The following PDE11A variants were observed in gnomAD, a reference collection of about 807,000 sequenced individuals.
The protein encoded by PDE11A is dual 3',5'-cyclic-AMP and -GMP phosphodiesterase 11A.
In PDE11A, 100 loss-of-function variants were observed where a neutral mutation model predicts 100.5. The observed-to-expected ratio is 1.00, with a 90% CI of 0.85 to 1.18. The LOEUF (loss-of-function observed/expected upper bound fraction) is 1.18. Ranked by LOEUF, PDE11A falls within the 50% of genes most tolerant of loss-of-function variation. The pLI is 0.00. For synonymous variants in PDE11A, 381 were observed against 420.8 expected (o/e 0.91, Z 1.16); for missense variants, 1,141 against 1,152.6 (o/e 0.99, Z 0.15).
At chr2:177,995,651 C>CCG (rs974145161) in intron 2 of PDE11A, among the ~76,000 whole-genome samples, 14 of 151,418 alleles carry the variant, frequency 9.2e-5, no homozygotes, top group Middle Eastern at 6.9e-3. Flanking sequence ...ACACCACCCA[C>CCG]CCCGCATCTG....
At chr2:177,957,770 C>G (rs368595838) in intron 2 of PDE11A, among the ~76,000 whole-genome samples, 1 of 152,012 alleles carries the variant, frequency 6.6e-6, no homozygotes, top group African/African-American at 2.4e-5. Flanking sequence ...GAATAATAAA[C>G]AAGAGCAATA....
intron 9 of PDE11A, among the ~76,000 whole-genome samples, chr2:177,799,178 A>G (rs2082748923): frequency 6.6e-6 from 1 of 152,208 alleles, no homozygotes; most frequent in African/African-American, 2.4e-5. Flanking sequence ...ACAAAATTGA[A>G]AAGTATGAAA....
chr2:178,071,397 G>T (rs1385538293), intron 1 of PDE11A, 129 bp downstream of exon 1: 1 of 1,155,320 alleles, frequency 8.7e-7, no homozygotes, highest in East Asian at 2.4e-5. Context: ...CTAAACTCGG[G>T]AATTTAAATA....
chr2:177,937,135 C>A (rs1244765941), intron 2 of PDE11A, among the ~76,000 whole-genome samples: 1 of 151,966 alleles, frequency 6.6e-6, no homozygotes, highest in African/African-American at 2.4e-5. Context: ...TTAGAGTGAT[C>A]ATACATCACA....
At chr2:178,093,944 A>G (rs2087456220) in intron 2 of PDE11A, among the ~76,000 whole-genome samples, 1 of 150,558 alleles carries the variant, frequency 6.6e-6, no homozygotes, top group Admixed American at 6.6e-5. Flanking sequence ...TAAAGAGCCA[A>G]ATAACAGCCC....
chr2:177,928,745 C>T (rs1370812330), intron 2 of PDE11A, among the ~76,000 whole-genome samples: 1 of 151,924 alleles, frequency 6.6e-6, no homozygotes, highest in Non-Finnish European at 1.5e-5. Flanking sequence ...TGCCTGTGGT[C>T]CCAGCTACTT....
chr2:177,827,896 C>G (rs2105598802), intron 6 of PDE11A, among the ~76,000 whole-genome samples: 1 of 152,280 alleles, frequency 6.6e-6, no homozygotes, highest in South Asian at 2.1e-4. Context: ...GACAATGCTC[C>G]TAGTTGGAAT....
Position 178,037,669 on chromosome 2 carries a change from C to T in PDE11A, c.913-23209G>A, listed in dbSNP as rs1022297807. Among the ~76,000 whole-genome samples, 70 of 152,204 alleles carry T rather than the reference C, an allele frequency of 4.6e-4. 1 individual carries two copies. Among genetic ancestry groups the T allele is most frequent in the Admixed American group, 4.3e-3 (66 of 15,284 alleles). The stretch of plus-strand genomic sequence containing the variant: ...GGATAAAGAAAATGTGGCACATATA[C>T]ACCACGGAATACTATGCAGCCATAA... On this transcript the variant is annotated intron_variant, in intron 1 of 19. Coordinates refer to ENST00000286063, the MANE Select transcript of PDE11A (RefSeq NM_016953.4).
At chr2:177,848,491 G>C (rs1035809938) in intron 5 of PDE11A, among the ~76,000 whole-genome samples, 3 of 151,972 alleles carry the variant, frequency 2.0e-5, no homozygotes, top group African/African-American at 7.3e-5. Flanking sequence ...TAGAAAAAGG[G>C]GTATAAGAAA....
intron 9 of PDE11A, among the ~76,000 whole-genome samples, chr2:177,815,879 G>C (rs952250304): frequency 8.5e-5 from 13 of 152,098 alleles, no homozygotes; most frequent in Non-Finnish European, 1.5e-4. Context: ...TGCCTACTTA[G>C]TAAGTATTTC....
intron 10 of PDE11A, among the ~76,000 whole-genome samples, chr2:177,750,734 G>A (rs1291941709): frequency 6.6e-6 from 1 of 152,200 alleles, no homozygotes; most frequent in Non-Finnish European, 1.5e-5. Context: ...AAATTGTACA[G>A]TAAAGGCACC....
intron 8 of PDE11A, among the ~76,000 whole-genome samples, chr2:177,817,475 G>T (rs1340151374): frequency 6.6e-6 from 1 of 152,188 alleles, no homozygotes; most frequent in Non-Finnish European, 1.5e-5. Context: ...TCCAGCTAGA[G>T]CGCCTGGAGT....
At chr2:177,699,732 C>A (rs990031449) in intron 14 of PDE11A, among the ~76,000 whole-genome samples, 2 of 152,192 alleles carry the variant, frequency 1.3e-5, no homozygotes, top group East Asian at 1.9e-4. Flanking sequence ...AATAATAGCA[C>A]CTGCATTTCT....
chr2:177,998,094 G>A (rs2086099773), intron 2 of PDE11A: 1 of 1,298,748 alleles, frequency 7.7e-7, no homozygotes, highest in Non-Finnish European at 1.1e-6. Context: ...AGGGATTGAA[G>A]GTCTGTTCTA....
chr2:177,726,475 G>A (rs2081600847), intron 12 of PDE11A, among the ~76,000 whole-genome samples: 1 of 152,054 alleles, frequency 6.6e-6, no homozygotes, highest in Non-Finnish European at 1.5e-5. Flanking sequence ...TACTCTATAG[G>A]AGGATGACAG....
chr2:177,748,799 C>G (rs2105474358), intron 10 of PDE11A, among the ~76,000 whole-genome samples: 1 of 152,098 alleles, frequency 6.6e-6, no homozygotes, highest in East Asian at 1.9e-4. Flanking sequence ...AAAATCAAAT[C>G]TTTTTCTGAA....
chr2:177,977,818 A>G (rs2085829697), intron 2 of PDE11A, among the ~76,000 whole-genome samples: 3 of 138,864 alleles, frequency 2.2e-5, no homozygotes, highest in Admixed American at 1.4e-4. Flanking sequence ...AAAACAAGCA[A>G]TGGGGAAAGG....
intron 1 of PDE11A, among the ~76,000 whole-genome samples, chr2:178,070,524 G>A (rs1411681520): frequency 6.6e-6 from 1 of 152,112 alleles, no homozygotes; most frequent in African/African-American, 2.4e-5. Flanking sequence ...CCTAACCAAG[G>A]ATGAGAATTT....
intron 1 of PDE11A, among the ~76,000 whole-genome samples, chr2:178,026,754 T>G (rs1486770374): frequency 6.6e-6 from 1 of 152,098 alleles, no homozygotes; most frequent in Non-Finnish European, 1.5e-5. Flanking sequence ...CATTTTTAAA[T>G]AAAATGTCTA....
Sources: gnomAD v4.1 joint callset for allele counts (sites outside exome capture counted in the v4.1 genomes callset) on GRCh38, gnomAD v4.1.1 for gene constraint, MANE v1.5 for transcripts, NCBI Gene and HGNC (gene_info 2026-07-23, HGNC 2026-07-21) for gene names.